Variants in GPATCH8 observed in about 807,000 individuals in gnomAD.
GPATCH8 encodes the protein G-patch domain containing 8, also known as G patch domain-containing protein 8.
In GPATCH8, 18 loss-of-function variants were observed where a neutral mutation model predicts 118.3. The ratio of observed to expected loss-of-function variants is 0.15; its 90% confidence interval spans 0.11 to 0.23. The LOEUF (loss-of-function observed/expected upper bound fraction) is 0.23. Ranked by LOEUF, GPATCH8 falls within the 10% of genes least tolerant of loss-of-function variation. The pLI is 1.00. For missense variants in GPATCH8, 1,631 were observed against 1,873.8 expected, an observed-to-expected ratio of 0.87 and a Z score of 2.39; for synonymous variants, 659 against 684.7, an observed-to-expected ratio of 0.96 and a Z score of 0.59.
chr17:44,422,153 T>C (rs2049928105), intron 6 of GPATCH8, among the ~76,000 whole-genome samples: 2 of 152,214 alleles, frequency 1.3e-5, no homozygotes, highest in East Asian at 3.9e-4. Context: ...AATGTCTTAA[T>C]TAAATAAAGA....
rs111773162 is a variant in GPATCH8 at position 44,489,554 on chromosome 17, G to A, written c.45+13772C>T. ...GGGATTTCACCATGTTGGCCAGGCT[G>A]GTCTTGAACTCCCGACCTCAGGTGA... On this transcript the variant is annotated intron_variant, in intron 1 of 7. Coordinates refer to ENST00000591680, the MANE Select transcript of GPATCH8 (RefSeq NM_001002909.4). 2.5e-3 allele frequency among the ~76,000 whole-genome samples: 380 copies of A among 152,182 alleles called. 1 individual carries two copies. Among genetic ancestry groups the A allele is most frequent in the African/African-American group, 8.6e-3 (357 of 41,542 alleles).
chr17:44,455,394 G>A (rs2051290578), intron 3 of GPATCH8, among the ~76,000 whole-genome samples: 1 of 151,910 alleles, frequency 6.6e-6, no homozygotes, highest in African/African-American at 2.4e-5. Flanking sequence ...CCAGCTACTC[G>A]GGAGGCTGAG....
chr17:44,448,573 GGAAGAA>G (rs141804150), intron 3 of GPATCH8, among the ~76,000 whole-genome samples: 64,472 of 126,016 alleles, frequency 0.51, 17,952 homozygotes, highest in Middle Eastern at 0.62. Flanking sequence ...AAGAGGAAGA[GGAAGAA>G]GAAGAAGAAG....
chr17:44,449,040 T>C (rs1403749949), intron 3 of GPATCH8, among the ~76,000 whole-genome samples: 3 of 151,848 alleles, frequency 2.0e-5, no homozygotes, highest in Admixed American at 6.6e-5. Context: ...CTTTGGGAGG[T>C]TGAGGCGGGT....
chr17:44,439,644 C>A (rs994712519), intron 3 of GPATCH8, among the ~76,000 whole-genome samples: 12 of 152,066 alleles, frequency 7.9e-5, no homozygotes, highest in African/African-American at 1.4e-4. Flanking sequence ...AAACAAAAAA[C>A]CCCCTCAGTT....
intron 1 of GPATCH8, among the ~76,000 whole-genome samples, chr17:44,477,432 C>T (rs1156930760): frequency 6.6e-6 from 1 of 152,000 alleles, no homozygotes; most frequent in Non-Finnish European, 1.5e-5. Flanking sequence ...AAGGGGGTCT[C>T]ACTATGTTGC....
chr17:44,478,002 G>C (rs1297085828), intron 1 of GPATCH8, among the ~76,000 whole-genome samples: 1 of 33,628 alleles, frequency 3.0e-5, no homozygotes, highest in African/African-American at 5.7e-5. Flanking sequence ...TAGAGATGGG[G>C]TGGGGGGTGG....
intron 1 of GPATCH8, among the ~76,000 whole-genome samples, chr17:44,488,623 G>A (rs185015942): frequency 1.2e-4 from 18 of 150,384 alleles, no homozygotes; most frequent in Non-Finnish European, 2.1e-4. Flanking sequence ...TGCCTGCCTC[G>A]GCCTCCCAAA....
At chr17:44,427,769 T>C (rs1371575111) in intron 5 of GPATCH8, among the ~76,000 whole-genome samples, 2 of 152,196 alleles carry the variant, frequency 1.3e-5, no homozygotes, top group African/African-American at 4.8e-5. Context: ...TAACATTATA[T>C]GATAGAGTTT....
chr17:44,410,917 G>C, intron 6 of GPATCH8, among the ~76,000 whole-genome samples: 1 of 152,280 alleles, frequency 6.6e-6, no homozygotes, highest in South Asian at 2.1e-4. Flanking sequence ...ACTCTAAATG[G>C]AAATGATATT....
In GPATCH8 at chr17:44,398,815, C is replaced by A. The variant is rs1442075944; in HGVS notation, c.3262G>T (p.Val1088Phe). 1 of 1,614,086 alleles carries A rather than the reference C, an allele frequency of 6.2e-7. No homozygotes were observed. ...GDCSPEDKNS[V>F]TAKLLLEKIQ... ...TTCTCCAGTAGCAGTTTGGCAGTGA[C>A]AGAGTTCTTGTCTTCAGGACTGCAG... Residue 1088 changes from valine (V) to phenylalanine (F), a missense_variant, in exon 8 of 8, where the codon GTC becomes TTC. By Grantham distance (50) the Val-to-Phe change is conservative. Around this residue, in one of 8 missense-constraint regions of GPATCH8, gnomAD observed 922 missense variants for 879.7 expected, o/e 1.05. Coordinates refer to ENST00000591680, the MANE Select transcript of GPATCH8 (RefSeq NM_001002909.4).
rs937777862 is a variant in GPATCH8 at position 44,400,759 on chromosome 17, G to A, written c.1318C>T (p.Pro440Ser). 4.3e-6 allele frequency: 7 copies of A among 1,613,760 alleles called. No homozygotes were observed. The highest frequency in any genetic ancestry group is 2.2e-5 in the South Asian group (2 of 91,062). The change falls in exon 8 of 8, where the codon CCC (proline) becomes TCC (serine). Residue 440 changes from proline to serine, a missense_variant. By Grantham distance (74) the Pro-to-Ser change is moderately conservative. This residue lies in a region of GPATCH8 where 405 missense variants were observed against 462.7 expected (regional missense o/e 0.88). Coordinates refer to ENST00000591680, the MANE Select transcript of GPATCH8 (RefSeq NM_001002909.4). ...NAPESKKGSSPKPKSCIKAAA... is the reference protein window; with the variant it reads ...NAPESKKGSSSKPKSCIKAAA... ...GCCTTGATGCAGCTTTTAGGCTTGGGAGAACTGCCTTTTTTACTCTCTGGG... is the reference window on the plus strand; with the variant it reads ...GCCTTGATGCAGCTTTTAGGCTTGGAAGAACTGCCTTTTTTACTCTCTGGG...
intron 1 of GPATCH8, among the ~76,000 whole-genome samples, chr17:44,500,611 A>G (rs1366825633): frequency 6.6e-6 from 1 of 152,226 alleles, no homozygotes; most frequent in Non-Finnish European, 1.5e-5. Context: ...GCACTTGATA[A>G]ACCGGTAAAG....
In GPATCH8 at chr17:44,395,918, G is replaced by GAA. The variant is rs1176274094; in HGVS notation, c.*1648_*1649dup. The GAA allele has an allele frequency of 4.4e-6, 2 of 454,246 alleles. No homozygotes were observed. The highest frequency in any genetic ancestry group is 1.4e-4 in the East Asian group (2 of 14,402). 28.1% of individuals were successfully genotyped at this position (454,246 alleles called of 1,614,324 possible). Reference sequence around the variant, plus strand: ...GTTAATTAGGGCTGAGAGCCTGGGTGAAAGGCAAGAAGAGGGGCAAAAGAG... The same window carrying GAA: ...GTTAATTAGGGCTGAGAGCCTGGGTGAAAAAGGCAAGAAGAGGGGCAAAAGAG... On this transcript the variant is annotated 3_prime_UTR_variant, in exon 8 of 8. Coordinates refer to ENST00000591680, the MANE Select transcript of GPATCH8 (RefSeq NM_001002909.4).
At chr17:44,428,188 A>C (rs2050157784) in intron 5 of GPATCH8, among the ~76,000 whole-genome samples, 1 of 151,826 alleles carries the variant, frequency 6.6e-6, no homozygotes, top group Non-Finnish European at 1.5e-5. Context: ...AAGGCTGGGG[A>C]AGTCCTTCAA....
chr17:44,488,679 T>C (rs1357574370), intron 1 of GPATCH8, among the ~76,000 whole-genome samples: 3 of 151,694 alleles, frequency 2.0e-5, no homozygotes, highest in Admixed American at 6.6e-5. Context: ...CCCATGATAA[T>C]TGTATTATAG....
At chr17:44,490,907 T>A (rs1969196900) in intron 1 of GPATCH8, among the ~76,000 whole-genome samples, 1 of 152,208 alleles carries the variant, frequency 6.6e-6, no homozygotes, top group Non-Finnish European at 1.5e-5. Context: ...GTGGTGATCA[T>A]TTAAGTATCA....
intron 3 of GPATCH8, among the ~76,000 whole-genome samples, chr17:44,452,816 ATCT>A (rs2051165287): frequency 6.7e-6 from 1 of 150,258 alleles, no homozygotes. Context: ...GTTTTAACTT[ATCT>A]TCAATATCTT....
chr17:44,409,325 G>A (rs1381445270), intron 6 of GPATCH8: 1 of 152,264 alleles, frequency 6.6e-6, no homozygotes, highest in Admixed American at 6.6e-5. Context: ...CTCCCAAGAA[G>A]CCAGGACTAC....
Sources: allele counts gnomAD v4.1 joint callset (sites outside exome capture counted in the v4.1 genomes callset), GRCh38; gene constraint gnomAD v4.1.1; regional missense constraint gnomAD v4.1.1; transcripts MANE v1.5; gene names NCBI Gene and HGNC (gene_info 2026-07-23, HGNC 2026-07-21).